The following RBM24 variants were observed in gnomAD, a reference collection of about 807,000 sequenced individuals.
RBM24 encodes RNA binding motif protein 24.
Under a neutral mutation model 23.6 loss-of-function variants are expected in RBM24, and 5 were observed. That is an observed-to-expected ratio of 0.21 (90% CI 0.11 to 0.45). The LOEUF (loss-of-function observed/expected upper bound fraction) is 0.45. Among genes scored for constraint, RBM24 ranks in the 20% least tolerant of loss-of-function variants. The pLI is 0.99. For synonymous variants in RBM24, 151 were observed against 129.5 expected (o/e 1.17, Z -1.13); for missense variants, 252 against 314.6 (o/e 0.80, Z 1.51).
rs1169110416 is a variant in RBM24 at position 17,289,014 on chromosome 6, T to C, written c.348-2742T>C. On this transcript the variant is annotated intron_variant, in intron 3 of 3. Transcript: ENST00000379052. ...TTAGGATGTTGCTTTAAAAGTCACA[T>C]AGAGATGTCAGTGGAACCTGAAGAG... 5 of 985,272 alleles carry C rather than the reference T, an allele frequency of 5.1e-6. No homozygotes were observed. In the African/African-American group the frequency reaches 5.2e-5, roughly 10 times the overall value. The allele number at this position is 985,272 out of a possible 1,614,324, so 61.0% of individuals were successfully genotyped here.
chr6:17,292,204 G>C lies in RBM24; in HGVS notation c.*85G>C. On this transcript the variant is annotated 3_prime_UTR_variant, in exon 4 of 4. Transcript: ENST00000379052. ...AGTAGCTAATAAGAGAGTTAACATT[G>C]ACTTAACAGCTTTAAAAAAAAAAAC... 1 of 1,271,970 alleles carries C rather than the reference G, an allele frequency of 7.9e-7. No homozygotes were observed. Among genetic ancestry groups the C allele is most frequent in the Non-Finnish European group, 1.0e-6 (1 of 953,694 alleles). The allele number at this position is 1,271,970 out of a possible 1,614,324, so 78.8% of individuals were successfully genotyped here.
Position 17,281,533 on chromosome 6 carries a change from C to T in RBM24, c.-49C>T, listed in dbSNP as rs1223804767. On this transcript the variant is annotated 5_prime_UTR_variant, in exon 1 of 4. Coordinates refer to ENST00000379052, the MANE Select transcript of RBM24 (RefSeq NM_001143942.2). The surrounding 1 kb of genome is among the most constrained non-coding windows in gnomAD (Gnocchi z 7.1). ...GCCGGAGGAGGAGGCGCAGCCGCTG[C>T]CCGAGCCGCAGCCGCAGCCGGAGCC... The T allele has an allele frequency of 4.1e-6, 6 of 1,452,708 alleles. No individual in the cohort carries two copies. In the African/African-American group the frequency reaches 6.0e-5, roughly 15 times the overall value. The allele number at this position is 1,452,708 out of a possible 1,614,324, so 90.0% of individuals were successfully genotyped here. A position where few individuals can be genotyped will look rare whatever the true frequency, so the allele number is the denominator to read the frequency against.
intron 3 of RBM24, chr6:17,290,130 T>C: frequency 7.9e-7 from 1 of 1,266,496 alleles, no homozygotes. Context: ...GATAAATTCA[T>C]CTTTTCCATG....
At chr6:17,290,859 G>A (rs1581436879) in intron 3 of RBM24, 1 of 1,289,654 alleles carries the variant, frequency 7.8e-7, no homozygotes, top group Non-Finnish European at 1.0e-6. Context: ...AGATAAACAA[G>A]CTGGCTGACC....
rs1760019343 is a variant in RBM24, at chr6:17,281,721, A to C, written c.140A>C (p.Gln47Pro). The C allele has an allele frequency of 6.4e-7, 1 of 1,551,566 alleles. No individual in the cohort carries two copies. The stretch of plus-strand genomic sequence containing the variant: ...GAGGCGGTGGTCATCACCGACCGGC[A>C]GACGGGCAAGTCCCGGGGCTATGGA... ...IEEAVVITDR[Q>P]TGKSRGYGFV... Residue 47 changes from glutamine (Q) to proline (P), a missense_variant, in exon 1 of 4, where the codon CAG becomes CCG. Coordinates refer to ENST00000379052, the MANE Select transcript of RBM24 (RefSeq NM_001143942.2). This position sits in a 1 kb window ranked among gnomAD's most constrained non-coding sequence, Gnocchi z 7.1.
chr6:17,288,459 A>G (rs1298437476), intron 3 of RBM24: 1 of 984,084 alleles, frequency 1.0e-6, no homozygotes, highest in Non-Finnish European at 1.2e-6. Context: ...TCCACAGATA[A>G]TTTTATTTAA....
intron 3 of RBM24, chr6:17,289,202 G>T: frequency 1.0e-6 from 1 of 985,326 alleles, no homozygotes; most frequent in African/African-American, 1.7e-5. Context: ...CACCTTAATG[G>T]GTCTCAGACT....
chr6:17,282,072 A>C, intron 1 of RBM24: 1 of 1,252,140 alleles, frequency 8.0e-7, no homozygotes, highest in Non-Finnish European at 1.0e-6. Context: ...GAACAATTGC[A>C]TTCCCGGGCT....
rs780997780 is a variant in RBM24, at chr6:17,291,879, C to T, written c.471C>T (p.Tyr157=). The T allele has an allele frequency of 3.1e-6, 5 of 1,614,022 alleles. No individual in the cohort carries two copies. Among genetic ancestry groups the T allele is most frequent in the Middle Eastern group, 1.7e-4 (1 of 6,060 alleles). Residue 157 remains tyrosine, a synonymous_variant, in exon 4 of 4, where the codon TAC becomes TAT. Transcript: ENST00000379052. The part of the protein sequence containing the change: ...TPYIDYTGAA[Y]AQYSAAAAAA... ...ACATTGATTACACTGGAGCTGCATA[C>T]GCACAATACTCAGCAGCTGCTGCTG...
chr6:17,289,922 GC>G, intron 3 of RBM24: 3 of 1,279,464 alleles, frequency 2.3e-6, no homozygotes, highest in Non-Finnish European at 3.1e-6. Flanking sequence ...TTGCGAGTGA[GC>G]CAGTCACCTG....
At chr6:17,289,452 T>C (rs996423549) in intron 3 of RBM24, 1 of 985,474 alleles carries the variant, frequency 1.0e-6, no homozygotes. Context: ...ATATTCTCAT[T>C]GTTTGACATT....
intron 1 of RBM24, chr6:17,282,025 G>A (rs1041574413): frequency 1.2e-5 from 16 of 1,309,474 alleles, no homozygotes; most frequent in African/African-American, 9.0e-5. Context: ...GGCGGGATTT[G>A]GGGTGCGGAG....
rs750030936 is a variant in RBM24, at chr6:17,292,068, A to G, written c.660A>G (p.Ala220=). The change falls in exon 4 of 4, where the codon GCA becomes GCG. Residue 220 remains alanine (A), a synonymous_variant. Coordinates refer to ENST00000379052, the MANE Select transcript of RBM24 (RefSeq NM_001143942.2). ...CCGCTGCAGCAGCTGCTGCCGCTGC[A>G]GCATTTGGCCAGTACCAGCCTCAGC... ...AAAAAAAAAA[A]AFGQYQPQQL... 6.3e-6 allele frequency: 10 copies of G among 1,592,586 alleles called. No individual in the cohort carries two copies. In the East Asian group the frequency reaches 8.9e-5, roughly 14 times the overall value.
rs1267579492 is a variant in RBM24, at chr6:17,291,617, C to T, written c.348-139C>T. The T allele has an allele frequency of 3.2e-6, 3 of 941,022 alleles. No homozygotes were observed. In the African/African-American group the frequency reaches 4.9e-5, roughly 15 times the overall value. 58.3% of individuals were successfully genotyped at this position (941,022 alleles called of 1,614,324 possible). ...ACTTTGGCTACTGCCTGAGTATTCT[C>T]AATGGACCACTAGAAAGTAGATATT... On this transcript the variant is annotated intron_variant, in intron 3 of 3. Coordinates refer to ENST00000379052, the MANE Select transcript of RBM24 (RefSeq NM_001143942.2).
rs921747745 is a variant in RBM24, at chr6:17,291,889, T to C, written c.481T>C (p.Ser161Pro). ...CACTGGAGCTGCATACGCACAATAC[T>C]CAGCAGCTGCTGCTGCTGCCGCCGC... ...DYTGAAYAQYSAAAAAAAAAA... is the reference protein window; with the variant it reads ...DYTGAAYAQYPAAAAAAAAAA... The change falls in exon 4 of 4, where the codon TCA (serine) becomes CCA (proline). Residue 161 changes from serine to proline, a missense_variant. Physicochemically the swap from Ser to Pro is moderately conservative, Grantham distance 74. Coordinates refer to ENST00000379052, the MANE Select transcript of RBM24 (RefSeq NM_001143942.2). The C allele has an allele frequency of 6.2e-7, 1 of 1,613,740 alleles. No individual in the cohort carries two copies. The highest frequency in any genetic ancestry group is 8.5e-7 in the Non-Finnish European group (1 of 1,179,994).
chr6:17,289,875 C>T (rs1472964847), intron 3 of RBM24: 2 of 1,208,026 alleles, frequency 1.7e-6, no homozygotes, highest in Admixed American at 2.9e-5. Context: ...GACACGGCAG[C>T]CTCCAGGGAC....
At chr6:17,284,587 C>A in intron 2 of RBM24, 70 bp from the exon 3 acceptor site, 1 of 1,159,176 alleles carries the variant, frequency 8.6e-7, no homozygotes, top group Non-Finnish European at 1.3e-6. Context: ...GTTGTGATTG[C>A]ATTTTACATG....
At position 17,281,933 on chromosome 6, in the gene RBM24, G is replaced by T; in HGVS notation, c.168+184G>T. 3 of 1,341,712 alleles carry T rather than the reference G, an allele frequency of 2.2e-6. No individual in the cohort carries two copies. The highest frequency in any genetic ancestry group is 2.9e-5 in the Admixed American group (1 of 34,988). 83.1% of individuals were successfully genotyped at this position (1,341,712 alleles called of 1,614,324 possible). On this transcript the variant is annotated intron_variant, in intron 1 of 3. Transcript: ENST00000379052. This position sits in a 1 kb window ranked among gnomAD's most constrained non-coding sequence, Gnocchi z 7.1. ...GGAGAGGGTCGGCGCCAGCCTCGCG[G>T]GGTTCGGAGAAGACCCAGCGCTGTG...
At chr6:17,287,629 T>C (rs1760234307) in intron 3 of RBM24, among the ~76,000 whole-genome samples, 1 of 151,812 alleles carries the variant, frequency 6.6e-6, no homozygotes, top group East Asian at 1.9e-4. Context: ...GCTAACACAG[T>C]GAAACCCCAT....
Sources: gnomAD v4.1 joint callset for allele counts (sites outside exome capture counted in the v4.1 genomes callset) on GRCh38, gnomAD v4.1.1 for gene constraint, Gnocchi (gnomAD v3.1) non-coding constraint, MANE v1.5 for transcripts, NCBI Gene and HGNC (gene_info 2026-07-23, HGNC 2026-07-21) for gene names.